Variants in RABEP1 observed in about 807,000 individuals in gnomAD.
RABEP1 encodes rab GTPase-binding effector protein 1.
Under a neutral mutation model 123.4 loss-of-function variants are expected in RABEP1, and 51 were observed. That is an observed-to-expected ratio of 0.41 (90% CI 0.33 to 0.52). The LOEUF is 0.52. RABEP1 is among the 20% of genes least tolerant of loss of function. RABEP1 has a pLI of 0.16. For synonymous variants in RABEP1, 347 were observed against 355.2 expected, an observed-to-expected ratio of 0.98 and a Z score of 0.26; for missense variants, 888 against 996.3, an observed-to-expected ratio of 0.89 and a Z score of 1.46.
rs766703634 is a variant in RABEP1 at position 5,381,472 on chromosome 17, G to A, written c.2454G>A (p.Gln818=). Residue 818 remains glutamine (Q), a synonymous_variant, in exon 17 of 18, where the codon CAG becomes CAA. Transcript: ENST00000537505. ...AATTAGATGTCAGTGAGCAAGTCCA[G>A]AGGGATTTTGTAAAGCTTTCACAGA... ...QTELDVSEQV[Q]RDFVKLSQTL... is the part of the protein sequence containing the mutation. 3.1e-6 allele frequency: 5 copies of A among 1,613,618 alleles called. No homozygotes were observed. The Admixed American group carries it at 5.0e-5, about 16-fold the overall frequency.
chr17:5,322,773 A>G (rs1054475727), intron 2 of RABEP1, among the ~76,000 whole-genome samples: 1 of 152,242 alleles, frequency 6.6e-6, no homozygotes, highest in Non-Finnish European at 1.5e-5. Context: ...AACATAACCA[A>G]GAACAAAAGC....
rs750818208 is a variant in RABEP1 at position 5,380,410 on chromosome 17, A to G, written c.2318A>G (p.Gln773Arg). Residue 773 changes from glutamine (Q) to arginine (R), a missense_variant, in exon 16 of 18, where the codon CAG becomes CGG. By Grantham distance (43) the Gln-to-Arg change is conservative. Transcript: ENST00000537505. Reference protein sequence around the residue: ...REKSQQLESLQEIKISLEEQL... With the variant: ...REKSQQLESLREIKISLEEQL... ...AAGTCTCAACAGCTTGAGAGTCTTCAGGAAATAAAGATCAGTTTGGAAGAG... is the reference window on the plus strand; with the variant it reads ...AAGTCTCAACAGCTTGAGAGTCTTCGGGAAATAAAGATCAGTTTGGAAGAG... 1.3e-6 allele frequency: 2 copies of G among 1,573,462 alleles called. No individual in the cohort carries two copies. Among genetic ancestry groups the G allele is most frequent in the Admixed American group, 3.7e-5 (2 of 53,742 alleles).
rs1388600180 is a variant in RABEP1, at chr17:5,386,034, T to C, written c.*2811T>C. On this transcript the variant is annotated 3_prime_UTR_variant, in exon 18 of 18. Coordinates refer to ENST00000537505, the MANE Select transcript of RABEP1 (RefSeq NM_004703.6). ...TTGAGTTATAAAGCACATTCCAAAT[T>C]TTAAATAAAAGCATTTACTCAATTA... 1 of 558,550 alleles carries C rather than the reference T, an allele frequency of 1.8e-6. No individual in the cohort carries two copies. The highest frequency in any genetic ancestry group is 3.1e-6 in the Non-Finnish European group (1 of 319,692). 34.6% of individuals were successfully genotyped at this position (558,550 alleles called of 1,614,324 possible).
At chr17:5,331,914 A>G in intron 2 of RABEP1, 35 bp from the exon 3 acceptor site, 1 of 1,582,646 alleles carries the variant, frequency 6.3e-7, no homozygotes. Flanking sequence ...GATCAAAGTG[A>G]ACATTAATGG....
At chr17:5,284,367 T>G (rs1360263184) in intron 1 of RABEP1, among the ~76,000 whole-genome samples, 1 of 152,230 alleles carries the variant, frequency 6.6e-6, no homozygotes, top group Non-Finnish European at 1.5e-5. Context: ...TTTAAATTAA[T>G]GTAGGTAGCC....
intron 6 of RABEP1, 147 bp downstream of exon 6, chr17:5,347,072 T>G: frequency 1.5e-6 from 1 of 672,490 alleles, no homozygotes; most frequent in Non-Finnish European, 2.2e-6. Context: ...AATGTACTCA[T>G]GCAAAGCTGA....
intron 1 of RABEP1, among the ~76,000 whole-genome samples, chr17:5,300,616 G>A (rs1007531870): frequency 1.3e-5 from 2 of 152,110 alleles, no homozygotes; most frequent in Non-Finnish European, 2.9e-5. Context: ...CAGGTTGATC[G>A]TAAGCAGATT....
chr17:5,328,645 T>TAAA lies in RABEP1; in HGVS notation c.164-3280_164-3278dup, dbSNP rs60062792. Among the ~76,000 whole-genome samples, 45 of 54,122 alleles carry TAAA rather than the reference T, an allele frequency of 8.3e-4. 1 individual carries two copies. The highest frequency in any genetic ancestry group is 2.8e-3 in the African/African-American group (34 of 12,072). 35.5% of individuals were successfully genotyped at this position (54,122 alleles called of 152,430 possible). On this transcript the variant is annotated intron_variant, in intron 2 of 17. Coordinates refer to ENST00000537505, the MANE Select transcript of RABEP1 (RefSeq NM_004703.6). ...TGGGCGATAGAGTGAGACGCTGTGT[T>TAAA]AAAAAAAAAAAAAAAAAAAAAAAAA...
At chr17:5,291,164 A>G (rs2075029525) in intron 1 of RABEP1, among the ~76,000 whole-genome samples, 2 of 152,066 alleles carry the variant, frequency 1.3e-5, no homozygotes, top group Non-Finnish European at 2.9e-5. Flanking sequence ...TAATCCTAGC[A>G]CTTTGGGAGG....
chr17:5,341,674 T>C (rs1907625736), intron 5 of RABEP1, among the ~76,000 whole-genome samples: 1 of 152,204 alleles, frequency 6.6e-6, no homozygotes, highest in Non-Finnish European at 1.5e-5. Context: ...AAATTATAGA[T>C]CTGTCTCAGG....
chr17:5,298,886 A>T (rs1178155635), intron 1 of RABEP1, among the ~76,000 whole-genome samples: 5 of 151,718 alleles, frequency 3.3e-5, no homozygotes, highest in South Asian at 2.1e-4. Flanking sequence ...CGATCTCCTG[A>T]CCTCGTGATC....
intron 5 of RABEP1, among the ~76,000 whole-genome samples, chr17:5,345,310 AG>A (rs1907981960): frequency 1.3e-5 from 1 of 77,260 alleles, no homozygotes. Flanking sequence ...TTTTCTGAAT[AG>A]GTGGCTTTCA....
At chr17:5,337,980 A>C in intron 4 of RABEP1, 39 bp from the exon 5 acceptor site, 4 of 1,563,352 alleles carry the variant, frequency 2.6e-6, no homozygotes, top group Non-Finnish European at 3.5e-6. Flanking sequence ...AAAAGCAGTA[A>C]ATGAATAAGT....
chr17:5,353,599 A>T (rs1908754176), intron 7 of RABEP1, among the ~76,000 whole-genome samples: 2 of 152,070 alleles, frequency 1.3e-5, no homozygotes, highest in African/African-American at 4.8e-5. Context: ...TGTAGTCCCA[A>T]CGCTTTGGGA....
chr17:5,296,016 A>T (rs1597329456), intron 1 of RABEP1, among the ~76,000 whole-genome samples: 1 of 152,058 alleles, frequency 6.6e-6, no homozygotes, highest in East Asian at 1.9e-4. Flanking sequence ...TAATTCCTTT[A>T]CTTTTCTTTA....
intron 2 of RABEP1, among the ~76,000 whole-genome samples, chr17:5,316,730 G>A (rs2075300103): frequency 6.7e-6 from 1 of 149,170 alleles, no homozygotes; most frequent in East Asian, 2.0e-4. Context: ...CTACTCGGGA[G>A]GCTGAGGTAG....
intron 2 of RABEP1, among the ~76,000 whole-genome samples, chr17:5,314,813 C>T (rs751206057): frequency 3.9e-5 from 6 of 152,282 alleles, no homozygotes; most frequent in East Asian, 1.9e-4. Context: ...CCACCATGCC[C>T]GGCTATATTT....
intron 13 of RABEP1, among the ~76,000 whole-genome samples, chr17:5,374,785 C>T (rs112533421): frequency 1.0e-3 from 152 of 152,266 alleles, no homozygotes; most frequent in African/African-American, 3.4e-3. Flanking sequence ...ACAACAGGCG[C>T]GTGCCACTGT....
At chr17:5,313,316 G>C (rs1483423461) in intron 2 of RABEP1, among the ~76,000 whole-genome samples, 1 of 152,168 alleles carries the variant, frequency 6.6e-6, no homozygotes, top group Non-Finnish European at 1.5e-5. Flanking sequence ...AAACCCAGCA[G>C]TATGATGCTG....
Sources: allele counts gnomAD v4.1 joint callset (sites outside exome capture counted in the v4.1 genomes callset), GRCh38; gene constraint gnomAD v4.1.1; transcripts MANE v1.5; gene names NCBI Gene and HGNC (gene_info 2026-07-23, HGNC 2026-07-21).